Variants in ABCA13 observed in about 807,000 individuals in gnomAD.
ABCA13 encodes the protein ATP binding cassette subfamily A member 13.
A neutral mutation model predicts 478.7 loss-of-function variants in ABCA13; 476 were observed. That is an observed-to-expected ratio of 0.99 (90% CI 0.92 to 1.07). ABCA13 has a LOEUF of 1.07. Among genes scored for constraint, ABCA13 ranks in the 50% least tolerant of loss-of-function variants. The probability of loss-of-function intolerance (pLI) is 0.00; values close to 1 mark genes in which losing one functional copy is unlikely to be tolerated. For synonymous variants in ABCA13, 2,252 were observed against 2,158.9 expected (o/e 1.04, Z -1.20); for missense variants, 6,060 against 5,910.6 (o/e 1.03, Z -0.83).
rs529513282 is a variant in ABCA13 at position 48,599,055 on chromosome 7, A to G, written c.14744+4242A>G. Among the ~76,000 whole-genome samples, 173 of 151,908 alleles carry G rather than the reference A, an allele frequency of 1.1e-3. 3 individuals carry two copies. In the South Asian group the frequency reaches 0.016, roughly 14 times the overall value. ...ATATGTATGCTTATTTTCTCACCCA[A>G]TAATATCATGTTGATTATGGTTGTT... On this transcript the variant is annotated intron_variant, in intron 58 of 61. Coordinates refer to ENST00000435803, the MANE Select transcript of ABCA13 (RefSeq NM_152701.5).
At chr7:48,305,738 A>G (rs1402271196) in intron 23 of ABCA13, among the ~76,000 whole-genome samples, 2 of 152,220 alleles carry the variant, frequency 1.3e-5, no homozygotes. Context: ...TGCCTCTCCT[A>G]AGGATCATTG....
chr7:48,194,727 G>A (rs570615203), intron 2 of ABCA13, among the ~76,000 whole-genome samples: 1 of 152,256 alleles, frequency 6.6e-6, no homozygotes, highest in African/African-American at 2.4e-5. Context: ...CACATATTAG[G>A]ACCATTCCTA....
intron 18 of ABCA13, 74 bp downstream of exon 18, chr7:48,279,994 A>G (rs1463840946): frequency 7.2e-7 from 1 of 1,390,094 alleles, no homozygotes; most frequent in African/African-American, 1.5e-5. Flanking sequence ...TGCAGGAATT[A>G]CAGTGAATCG....
chr7:48,384,164 G>A (rs1814813169), intron 35 of ABCA13, among the ~76,000 whole-genome samples: 1 of 152,242 alleles, frequency 6.6e-6, no homozygotes, highest in Admixed American at 6.5e-5. Flanking sequence ...CTGCGACTGA[G>A]TGTGGTTGCC....
intron 55 of ABCA13, among the ~76,000 whole-genome samples, chr7:48,560,322 TC>T (rs1786321745): frequency 6.6e-6 from 1 of 152,086 alleles, no homozygotes; most frequent in Non-Finnish European, 1.5e-5. Flanking sequence ...CAGTGCCAAG[TC>T]CCCCAGTCAC....
chr7:48,329,749 C>A (rs1015917236), intron 27 of ABCA13, among the ~76,000 whole-genome samples: 1 of 151,886 alleles, frequency 6.6e-6, no homozygotes, highest in African/African-American at 2.4e-5. Flanking sequence ...ATCCACACAT[C>A]TATCTGTCCA....
chr7:48,375,932 A>C (rs1488371098), intron 34 of ABCA13, among the ~76,000 whole-genome samples: 1 of 152,174 alleles, frequency 6.6e-6, no homozygotes, highest in Non-Finnish European at 1.5e-5. Flanking sequence ...ACCATAGGGA[A>C]ATTTAGAAAG....
At chr7:48,589,548 C>T (rs1789521847) in intron 57 of ABCA13, among the ~76,000 whole-genome samples, 1 of 152,140 alleles carries the variant, frequency 6.6e-6, no homozygotes. Flanking sequence ...CACATAATTG[C>T]CATTTTTTCC....
In ABCA13 at chr7:48,298,782, T is replaced by C. The variant is rs1033414298; in HGVS notation, c.9321+295T>C. On this transcript the variant is annotated intron_variant, in intron 23 of 61. Coordinates refer to ENST00000435803, the MANE Select transcript of ABCA13 (RefSeq NM_152701.5). ...TTATTCTGTTGATTTCCAGCCCTGA[T>C]GCATGACACCTGGGAAGGGTCTCGG... is the stretch of plus-strand genomic sequence containing the variant. Among the ~76,000 whole-genome samples, 8 of 152,352 alleles carry C rather than the reference T, an allele frequency of 5.3e-5. No homozygotes were observed. The South Asian group carries it at 6.2e-4, about 12-fold the overall frequency.
intron 27 of ABCA13, among the ~76,000 whole-genome samples, chr7:48,320,095 A>G (rs922270999): frequency 1.3e-5 from 2 of 152,210 alleles, no homozygotes; most frequent in East Asian, 1.9e-4. Context: ...AGAGAGTGTT[A>G]AAAGGTAAAC....
chr7:48,359,285 G>A lies in ABCA13; in HGVS notation c.10688+6798G>A, dbSNP rs60829790. ...AGTTCCTCCACCTACTGATGCAGAA[G>A]GTCAATCTGCATGACTCTGGCAATG... On this transcript the variant is annotated intron_variant, in intron 31 of 61. Coordinates refer to ENST00000435803, the MANE Select transcript of ABCA13 (RefSeq NM_152701.5). 2.9e-3 allele frequency among the ~76,000 whole-genome samples: 437 copies of A among 151,996 alleles called. 15 individuals carry two copies. In the East Asian group the frequency reaches 0.075, roughly 26 times the overall value.
In ABCA13 at chr7:48,511,203, T is replaced by G. The variant is rs376351420; in HGVS notation, c.13640+4T>G. 5.6e-6 allele frequency: 9 copies of G among 1,605,454 alleles called. No homozygotes were observed. The highest frequency in any genetic ancestry group is 7.7e-6 in the Non-Finnish European group (9 of 1,175,570). ...CCCTCCTGCTGTCACTTTTCGGGTA[T>G]GTGATGAGAAACGCTGCTGCAGAAT... is the stretch of plus-strand genomic sequence containing the variant. On this transcript the variant is annotated splice_donor_region_variant and intron_variant, in intron 51 of 61. Transcript: ENST00000435803.
At chr7:48,271,549 T>C (rs555845732) in intron 16 of ABCA13, among the ~76,000 whole-genome samples, 2 of 152,136 alleles carry the variant, frequency 1.3e-5, no homozygotes, top group African/African-American at 2.4e-5. Flanking sequence ...GGGAAAATAA[T>C]TGAGAATGCT....
At chr7:48,361,729 A>G (rs1810877104) in intron 31 of ABCA13, among the ~76,000 whole-genome samples, 1 of 151,718 alleles carries the variant, frequency 6.6e-6, no homozygotes, top group African/African-American at 2.4e-5. Context: ...ATATGTAGCT[A>G]ACAATTTATT....
intron 3 of ABCA13, among the ~76,000 whole-genome samples, chr7:48,201,085 CA>C (rs78607527): frequency 0.18 from 28,074 of 152,138 alleles, 2,870 homozygotes; most frequent in East Asian, 0.33. Context: ...TATTGGTTTA[CA>C]AAGCTCTTTG....
At position 48,338,533 on chromosome 7, in the gene ABCA13, C is replaced by A; in HGVS notation, c.10204+78C>A. 4 of 1,062,884 alleles carry A rather than the reference C, an allele frequency of 3.8e-6. No individual in the cohort carries two copies. The African/African-American group carries it at 4.8e-5, about 13-fold the overall frequency. The allele number at this position is 1,062,884 out of a possible 1,614,324, so 65.8% of individuals were successfully genotyped here. ...CTTGGGTGGGTCCTCCCCCTTGGGC[C>A]ATGGCATTGCTAGGTGACTTCCAGC... On this transcript the variant is annotated intron_variant, in intron 29 of 61. Coordinates refer to ENST00000435803, the MANE Select transcript of ABCA13 (RefSeq NM_152701.5).
At chr7:48,511,889 C>T (rs988335910) in intron 51 of ABCA13, among the ~76,000 whole-genome samples, 2 of 152,136 alleles carry the variant, frequency 1.3e-5, no homozygotes, top group African/African-American at 2.4e-5. Context: ...AAACAGCTTG[C>T]TCTTATTTAA....
At chr7:48,466,814 T>C in intron 43 of ABCA13, 142 bp from the exon 44 acceptor site, 2 of 733,576 alleles carry the variant, frequency 2.7e-6, no homozygotes, top group Non-Finnish European at 4.7e-6. Context: ...AGTGGAAAAT[T>C]AGCTGTATCT....
intron 38 of ABCA13, among the ~76,000 whole-genome samples, chr7:48,401,096 A>T (rs968927876): frequency 6.6e-6 from 1 of 152,190 alleles, no homozygotes; most frequent in African/African-American, 2.4e-5. Context: ...AAAGCTTTTA[A>T]CAATATATGC....
Sources: gnomAD v4.1 joint callset for allele counts (sites outside exome capture counted in the v4.1 genomes callset) on GRCh38, gnomAD v4.1.1 for gene constraint, MANE v1.5 for transcripts, NCBI Gene and HGNC (gene_info 2026-07-23, HGNC 2026-07-21) for gene names.